C14orf39: variants seen among roughly 807,000 people sequenced by gnomAD.
C14orf39 encodes protein SIX6OS1.
A neutral mutation model predicts 85.6 loss-of-function variants in C14orf39; 66 were observed. The ratio of observed to expected loss-of-function variants is 0.77; its 90% CI spans 0.63 to 0.95. The LOEUF is 0.95. Ranked by LOEUF, C14orf39 falls within the 40% of genes least tolerant of loss-of-function variation. C14orf39 has a pLI of 0.00. For missense variants in C14orf39, 735 were observed against 663.9 expected (o/e 1.11, Z -1.18); for synonymous variants, 242 against 214.0 (o/e 1.13, Z -1.14).
At chr14:60,481,534 T>C (rs1185271522) in intron 4 of C14orf39, among the ~76,000 whole-genome samples, 3 of 152,178 alleles carry the variant, frequency 2.0e-5, no homozygotes, top group Non-Finnish European at 4.4e-5. Flanking sequence ...TTTTAAAATA[T>C]ATACTGGCAT....
chr14:60,459,639 C>T lies in C14orf39; in HGVS notation c.1118-900G>A, dbSNP rs565677163. Among the ~76,000 whole-genome samples, 3 of 151,810 alleles carry T rather than the reference C, an allele frequency of 2.0e-5. No individual in the cohort carries two copies. The South Asian group carries it at 6.2e-4, about 31-fold the overall frequency. On this transcript the variant is annotated intron_variant, in intron 13 of 17. Transcript: ENST00000321731. The stretch of plus-strand genomic sequence containing the variant: ...AGAATTCCTATTGTCCTACATTCTC[C>T]TACTTAGTATTGTCAGACTTTTTTA...
chr14:60,496,274 C>A (rs1893068594), intron 2 of C14orf39: 5 of 384,614 alleles, frequency 1.3e-5, no homozygotes, highest in Non-Finnish European at 2.1e-5. Flanking sequence ...TGCTCAAGGA[C>A]CCACTGGATA....
chr14:60,456,533 G>A (rs899273176), intron 15 of C14orf39, among the ~76,000 whole-genome samples: 4 of 151,446 alleles, frequency 2.6e-5, no homozygotes, highest in African/African-American at 9.7e-5. Flanking sequence ...TGGGACTACA[G>A]GCACATGCCA....
At chr14:60,513,886 A>C (rs1026145006) in intron 1 of C14orf39, among the ~76,000 whole-genome samples, 2 of 152,228 alleles carry the variant, frequency 1.3e-5, no homozygotes, top group African/African-American at 4.8e-5. Context: ...GCTTTGACAA[A>C]AGCCTTTAAA....
At chr14:60,490,423 G>C (rs1187224378), upstream of C14orf39, among the ~76,000 whole-genome samples, 2 of 149,970 alleles carry the variant, frequency 1.3e-5, no homozygotes, top group Non-Finnish European at 3.0e-5. Flanking sequence ...GGGAAACACA[G>C]AGAAAACCCA....
At chr14:60,483,591 G>C in intron 4 of C14orf39, 100 bp downstream of exon 4, 1 of 1,002,934 alleles carries the variant, frequency 1.0e-6, no homozygotes, top group African/African-American at 1.6e-5. Flanking sequence ...TGATTCATTA[G>C]CTAATACAGA....
chr14:60,497,436 G>A (rs1893084083), intron 2 of C14orf39, among the ~76,000 whole-genome samples: 2 of 152,072 alleles, frequency 1.3e-5, no homozygotes, highest in Admixed American at 6.5e-5. Flanking sequence ...ATAGGTTACA[G>A]CAACAGTTTG....
chr14:60,507,727 C>A (rs960976262), intron 1 of C14orf39, among the ~76,000 whole-genome samples: 1 of 152,130 alleles, frequency 6.6e-6, no homozygotes, highest in African/African-American at 2.4e-5. Context: ...TTCTGATTTA[C>A]CAGATCTGTA....
intron 16 of C14orf39, among the ~76,000 whole-genome samples, chr14:60,452,583 G>A (rs1199450362): frequency 2.6e-5 from 4 of 152,046 alleles, no homozygotes; most frequent in African/African-American, 9.7e-5. Flanking sequence ...TCTAGTATTT[G>A]ATTGCACAAT....
chr14:60,475,409 G>C (rs920957331), intron 5 of C14orf39, among the ~76,000 whole-genome samples: 1 of 151,916 alleles, frequency 6.6e-6, no homozygotes, highest in African/African-American at 2.4e-5. Context: ...GATTCTACAA[G>C]AATCAAAATT....
rs886920594 is a variant in C14orf39, at chr14:60,471,720, T to C, written c.343A>G (p.Ile115Val). ...TTCAAAACTTCTTTATACTGACATATATAATCATGATACATTTCTCTGTTA... is the reference window on the plus strand; with the variant it reads ...TTCAAAACTTCTTTATACTGACATACATAATCATGATACATTTCTCTGTTA... ...EKDKEMYHDY[I>V]CQYKEVLKQY... Residue 115 changes from isoleucine (I) to valine (V), a missense_variant, in exon 6 of 18, where the codon ATA (isoleucine) becomes GTA (valine). Physicochemically the swap from Ile to Val is conservative, Grantham distance 29. Coordinates refer to ENST00000321731, the MANE Select transcript of C14orf39 (RefSeq NM_174978.3). 3 of 1,533,268 alleles carry C rather than the reference T, an allele frequency of 2.0e-6. No individual in the cohort carries two copies. Among genetic ancestry groups the C allele is most frequent in the South Asian group, 1.2e-5 (1 of 84,032 alleles). 95.0% of individuals were successfully genotyped at this position (1,533,268 alleles called of 1,614,324 possible). A position where few individuals can be genotyped will look rare whatever the true frequency, so the allele number is the denominator to read the frequency against.
At chr14:60,440,592 C>T (rs1328269954) in intron 17 of C14orf39, among the ~76,000 whole-genome samples, 1 of 152,194 alleles carries the variant, frequency 6.6e-6, no homozygotes, top group African/African-American at 2.4e-5. Context: ...TCCATACAGT[C>T]TGTTCTCCAC....
At chr14:60,458,641 T>C (rs984717793) in intron 14 of C14orf39, 37 bp downstream of exon 14, 89 of 1,457,234 alleles carry the variant, frequency 6.1e-5, no homozygotes, top group Non-Finnish European at 8.3e-5. Flanking sequence ...AAATTGGAAT[T>C]TTTGCTTAGA....
At chr14:60,468,368 G>T in intron 9 of C14orf39, 77 bp downstream of exon 9, 3 of 783,194 alleles carry the variant, frequency 3.8e-6, no homozygotes, top group South Asian at 4.9e-5. Flanking sequence ...TTAGTGGTTT[G>T]GGATGGAATA....
At chr14:60,458,805 C>A (rs888699605) in intron 13 of C14orf39, 66 bp from the exon 14 acceptor site, 7 of 1,363,268 alleles carry the variant, frequency 5.1e-6, no homozygotes, top group South Asian at 1.3e-5. Context: ...AACATAGTCT[C>A]GCCATTTGAA....
intron 16 of C14orf39, among the ~76,000 whole-genome samples, chr14:60,451,423 A>G (rs1891030385): frequency 1.3e-5 from 2 of 152,210 alleles, no homozygotes; most frequent in Non-Finnish European, 2.9e-5. Context: ...ACAATAGCAA[A>G]GACTTGGAAC....
intron 5 of C14orf39, 103 bp from the exon 6 acceptor site, chr14:60,471,842 T>A: frequency 1.6e-6 from 1 of 641,080 alleles, no homozygotes; most frequent in Non-Finnish European, 2.6e-6. Flanking sequence ...AAATCAAATG[T>A]CTTCTTATTC....
chr14:60,507,063 T>A (rs1298548035), intron 1 of C14orf39, among the ~76,000 whole-genome samples: 1 of 152,036 alleles, frequency 6.6e-6, no homozygotes, highest in Non-Finnish European at 1.5e-5. Flanking sequence ...GGCGCTGGGA[T>A]CGGGGTCGGC....
intron 1 of C14orf39, among the ~76,000 whole-genome samples, chr14:60,514,471 C>T (rs1416489120): frequency 6.6e-6 from 1 of 152,084 alleles, no homozygotes; most frequent in Non-Finnish European, 1.5e-5. Flanking sequence ...ATAAACATTT[C>T]AACCACACTC....
Sources: gnomAD v4.1 joint callset for allele counts (sites outside exome capture counted in the v4.1 genomes callset) on GRCh38, gnomAD v4.1.1 for gene constraint, MANE v1.5 for transcripts, NCBI Gene and HGNC (gene_info 2026-07-23, HGNC 2026-07-21) for gene names.